The following ATP7B variants were observed in gnomAD, a reference collection of about 807,000 sequenced individuals.
ATP7B encodes the protein ATPase copper transporting beta.
A neutral mutation model predicts 118.9 loss-of-function variants in ATP7B; 113 were observed. That is an observed-to-expected ratio of 0.95 (90% confidence interval 0.82 to 1.11). The LOEUF (loss-of-function observed/expected upper bound fraction) is 1.11, where lower values mean the gene tolerates loss of function less well. ATP7B is among the 50% of genes most tolerant of loss of function. ATP7B has a pLI of 0.00. For missense variants in ATP7B, 1,867 were observed against 1,871.4 expected (o/e 1.00, Z 0.04); for synonymous variants, 777 against 727.4 (o/e 1.07, Z -1.10).
At chr13:51,986,769 C>T (rs945220385) in intron 1 of ATP7B, among the ~76,000 whole-genome samples, 1 of 152,260 alleles carries the variant, frequency 6.6e-6, no homozygotes, top group East Asian at 1.9e-4. Context: ...TCAACACATG[C>T]ATATCAATAA....
Position 52,009,485 on chromosome 13 carries a change from C to T in ATP7B, c.51+1802G>A, listed in dbSNP as rs543173954. On this transcript the variant is annotated intron_variant, in intron 1 of 20. Transcript: ENST00000242839. The stretch of plus-strand genomic sequence containing the variant: ...CTATAACCTGATTTACAACCATAAC[C>T]TGTTTTTGGCCAAGCTTAGAGCCCC... 5.9e-5 allele frequency among the ~76,000 whole-genome samples: 9 copies of T among 152,294 alleles called. 1 individual carries two copies. The South Asian group carries it at 1.7e-3, about 28-fold the overall frequency.
At chr13:51,964,803 A>G (rs1958978557) in intron 5 of ATP7B, 69 bp downstream of exon 5, 4 of 1,549,514 alleles carry the variant, frequency 2.6e-6, no homozygotes, top group Non-Finnish European at 2.6e-6. Context: ...ATATTTTCTC[A>G]TTTTTCTTCA....
chr13:51,991,795 G>A (rs9535825), intron 1 of ATP7B, among the ~76,000 whole-genome samples: 77,439 of 151,908 alleles, frequency 0.51, 22,369 homozygotes, highest in Non-Finnish European at 0.65. Flanking sequence ...GCCAAAGCAC[G>A]GAGCCCCTGA....
At chr13:51,999,993 A>G (rs963081126) in intron 1 of ATP7B, among the ~76,000 whole-genome samples, 2 of 151,716 alleles carry the variant, frequency 1.3e-5, no homozygotes, top group Non-Finnish European at 2.9e-5. Context: ...TTTTCCTCCT[A>G]TCCTTCCCAC....
At chr13:51,958,073 G>T in intron 8 of ATP7B, 1 of 570,068 alleles carries the variant, frequency 1.8e-6, no homozygotes, top group Non-Finnish European at 3.1e-6. Flanking sequence ...GGTTTCTTTA[G>T]TTTACACAAT....
At chr13:52,008,300 A>G (rs962195623) in intron 1 of ATP7B, among the ~76,000 whole-genome samples, 8 of 152,374 alleles carry the variant, frequency 5.3e-5, no homozygotes, top group African/African-American at 1.9e-4. Context: ...AGATCCCGCC[A>G]CTGCACTCCA....
intron 4 of ATP7B, among the ~76,000 whole-genome samples, chr13:51,965,708 G>C (rs76870949): frequency 0.029 from 4,380 of 152,284 alleles, 223 homozygotes; most frequent in African/African-American, 0.1. Flanking sequence ...GGCTTCTCTG[G>C]ACACAGGATG....
intron 1 of ATP7B, among the ~76,000 whole-genome samples, chr13:51,994,767 C>T (rs1217240305): frequency 6.6e-6 from 1 of 152,138 alleles, no homozygotes; most frequent in East Asian, 1.9e-4. Context: ...CTAGTAAATG[C>T]CTTCAAAAGT....
Position 51,970,732 on chromosome 13 carries a change from G to A in ATP7B, c.1303C>T (p.Pro435Ser). ...TTCCCAGCACTGTGGTTTCCAAGAG[G>A]GTTAGTAGAACAGCTTTCTAGGATA... ...SVVSESCSTNPLGNHSAGNSM... is the reference protein window; with the variant it reads ...SVVSESCSTNSLGNHSAGNSM... The change falls in exon 3 of 21, where the codon CCT becomes TCT. Residue 435 changes from proline to serine, a missense_variant. Physicochemically the swap from Pro to Ser is moderately conservative, Grantham distance 74. Coordinates refer to ENST00000242839, the MANE Select transcript of ATP7B (RefSeq NM_000053.4). 1 of 1,613,848 alleles carries A rather than the reference G, an allele frequency of 6.2e-7. No homozygotes were observed. The highest frequency in any genetic ancestry group is 8.5e-7 in the Non-Finnish European group (1 of 1,179,810).
At chr13:51,964,364 T>C (rs952105314) in intron 5 of ATP7B, among the ~76,000 whole-genome samples, 36 of 152,312 alleles carry the variant, frequency 2.4e-4, no homozygotes, top group African/African-American at 8.7e-4. Context: ...AGCATGTCTG[T>C]GGACAAACTG....
rs369147145 is a variant in ATP7B at position 51,961,864 on chromosome 13, T to G, written c.1919A>C (p.His640Pro). Residue 640 changes from histidine to proline, a missense_variant, in exon 6 of 21, where the codon CAC (histidine) becomes CCC (proline). Transcript: ENST00000242839. Reference protein sequence around the residue: ...SLAQRNPNAHHLDHKMEIKQW... With the variant: ...SLAQRNPNAHPLDHKMEIKQW... ...CTTTATTTCCATCTTGTGGTCCAAGTGATGAGCGTTGGGGTTTCTCTGGGC... is the reference window on the plus strand; with the variant it reads ...CTTTATTTCCATCTTGTGGTCCAAGGGATGAGCGTTGGGGTTTCTCTGGGC... 9.3e-6 allele frequency: 15 copies of G among 1,613,808 alleles called. No homozygotes were observed. Among genetic ancestry groups the G allele is most frequent in the Non-Finnish European group, 1.3e-5 (15 of 1,179,944 alleles).
At chr13:51,986,970 T>C (rs1208088939) in intron 1 of ATP7B, among the ~76,000 whole-genome samples, 2 of 152,150 alleles carry the variant, frequency 1.3e-5, no homozygotes, top group Non-Finnish European at 2.9e-5. Context: ...TCACAGTGAA[T>C]GGGCAAAAAC....
intron 5 of ATP7B, among the ~76,000 whole-genome samples, chr13:51,963,736 C>CA (rs933334832): frequency 0.1 from 4,074 of 39,628 alleles, 187 homozygotes; most frequent in Non-Finnish European, 0.13. Flanking sequence ...GACCACGTCT[C>CA]AAAAAAAAAA....
chr13:51,964,233 T>G (rs990794685), intron 5 of ATP7B, among the ~76,000 whole-genome samples: 2 of 152,202 alleles, frequency 1.3e-5, no homozygotes, highest in Non-Finnish European at 2.9e-5. Context: ...CTAAACTTAA[T>G]TTATCCTTAC....
At chr13:51,964,014 G>T (rs1396377907) in intron 5 of ATP7B, among the ~76,000 whole-genome samples, 1 of 150,358 alleles carries the variant, frequency 6.7e-6, no homozygotes, top group East Asian at 2.0e-4. Context: ...TCATGCCACT[G>T]CACTCCAGCC....
chr13:51,952,228 A>T (rs1958053953), intron 9 of ATP7B, among the ~76,000 whole-genome samples: 1 of 152,216 alleles, frequency 6.6e-6, no homozygotes, highest in Non-Finnish European at 1.5e-5. Flanking sequence ...ACAAAGCCAG[A>T]GGGAGGGCAC....
At chr13:52,011,217 C>T in intron 1 of ATP7B, 70 bp downstream of exon 1, 1 of 1,612,900 alleles carries the variant, frequency 6.2e-7, no homozygotes, top group Non-Finnish European at 8.5e-7. Context: ...GAGTAAGCGC[C>T]GAACGCGGGG....
At chr13:51,942,260 G>C (rs959706918) in intron 15 of ATP7B, 126 bp downstream of exon 15, 17 of 1,451,276 alleles carry the variant, frequency 1.2e-5, no homozygotes, top group Non-Finnish European at 1.5e-5. Context: ...TGGGGAGGCA[G>C]GCTTGGGTGC....
chr13:51,962,658 C>T (rs1225570570), intron 5 of ATP7B, among the ~76,000 whole-genome samples: 1 of 152,054 alleles, frequency 6.6e-6, no homozygotes, highest in Non-Finnish European at 1.5e-5. Context: ...TAATACCAGC[C>T]TAATTATATT....
Sources: allele counts gnomAD v4.1 joint callset (sites outside exome capture counted in the v4.1 genomes callset), GRCh38; gene constraint gnomAD v4.1.1; transcripts MANE v1.5; gene names NCBI Gene and HGNC (gene_info 2026-07-23, HGNC 2026-07-21).